Variants in MGMT observed in about 807,000 individuals in gnomAD.
The protein encoded by MGMT is methylated-DNA--protein-cysteine methyltransferase.
In MGMT, 14 loss-of-function variants were observed where a neutral mutation model predicts 15.9. The observed-to-expected ratio is 0.88, with a 90% CI of 0.58 to 1.37. The LOEUF is 1.37. Among genes scored for constraint, MGMT ranks in the 40% most tolerant of loss-of-function variants. MGMT has a pLI of 0.00. For synonymous variants in MGMT, 130 were observed against 118.2 expected (o/e 1.10, Z -0.65); for missense variants, 282 against 268.1 (o/e 1.05, Z -0.36).
chr10:129,526,771 G>C (rs1368867959), intron 1 of MGMT, among the ~76,000 whole-genome samples: 2 of 152,216 alleles, frequency 1.3e-5, no homozygotes, highest in Non-Finnish European at 2.9e-5. Context: ...AGACCTGACA[G>C]TTTTTAGTGC....
intron 2 of MGMT, among the ~76,000 whole-genome samples, chr10:129,698,464 A>G (rs901394931): frequency 6.6e-6 from 1 of 152,230 alleles, no homozygotes; most frequent in Non-Finnish European, 1.5e-5. Context: ...TGTTTAGACT[A>G]ATGGAATGAC....
intron 2 of MGMT, among the ~76,000 whole-genome samples, chr10:129,582,184 C>G (rs1165088284): frequency 2.0e-5 from 3 of 152,188 alleles, no homozygotes; most frequent in Non-Finnish European, 4.4e-5. Flanking sequence ...CTCCCTTAGC[C>G]CGGCTACGTC....
intron 3 of MGMT, among the ~76,000 whole-genome samples, chr10:129,710,602 G>A (rs920891650): frequency 6.6e-6 from 1 of 152,220 alleles, no homozygotes; most frequent in African/African-American, 2.4e-5. Flanking sequence ...GATGGTGGAT[G>A]GTTGCTAACA....
chr10:129,567,547 C>T (rs1846370585), intron 2 of MGMT, among the ~76,000 whole-genome samples: 1 of 152,120 alleles, frequency 6.6e-6, no homozygotes, highest in East Asian at 1.9e-4. Flanking sequence ...GGTTGAAAAT[C>T]CTGTCCCTGG....
chr10:129,681,623 G>A (rs1004896573), intron 2 of MGMT, among the ~76,000 whole-genome samples: 3 of 152,188 alleles, frequency 2.0e-5, no homozygotes, highest in African/African-American at 7.2e-5. Flanking sequence ...AACTCTGTGG[G>A]TCCACTTACA....
rs1046987164 is a variant in MGMT, at chr10:129,542,721, G to A, written c.125+6344G>A. On this transcript the variant is annotated intron_variant, in intron 2 of 4. Coordinates refer to ENST00000651593, the MANE Select transcript of MGMT (RefSeq NM_002412.5). ...TTTCTGTGAGGAAAACTTGCCAGGC[G>A]CTCCTTGGCTTTATAGAAATCGTCT... Among the ~76,000 whole-genome samples, 10 of 152,182 alleles carry A rather than the reference G, an allele frequency of 6.6e-5. No homozygotes were observed. The East Asian group carries it at 1.2e-3, about 18-fold the overall frequency.
At position 129,723,736 on chromosome 10, in the gene MGMT, C is replaced by T. The variant is rs149354298; in HGVS notation, c.274+15693C>T. Among the ~76,000 whole-genome samples, 476 of 152,210 alleles carry T rather than the reference C, an allele frequency of 3.1e-3. 2 individuals carry two copies. The highest frequency in any genetic ancestry group is 0.01 in the African/African-American group (431 of 41,530). On this transcript the variant is annotated intron_variant, in intron 3 of 4. Coordinates refer to ENST00000651593, the MANE Select transcript of MGMT (RefSeq NM_002412.5). ...TGGACAAAATATCTCACATTTTCAT[C>T]GCAAAGACACATAATACACAGATTG... is the stretch of plus-strand genomic sequence containing the variant.
intron 2 of MGMT, among the ~76,000 whole-genome samples, chr10:129,675,023 T>A (rs1030164606): frequency 3.3e-5 from 5 of 152,118 alleles, no homozygotes; most frequent in Admixed American, 1.3e-4. Context: ...AGAGGTAGCT[T>A]TTAAATGAGA....
At chr10:129,585,908 G>GC (rs1488568583) in intron 2 of MGMT, among the ~76,000 whole-genome samples, 2 of 151,564 alleles carry the variant, frequency 1.3e-5, no homozygotes, top group East Asian at 3.9e-4. Flanking sequence ...GCACTTCAGG[G>GC]CCATTATTAA....
intron 1 of MGMT, among the ~76,000 whole-genome samples, chr10:129,517,613 T>C (rs1845752951): frequency 1.3e-5 from 2 of 152,196 alleles, no homozygotes; most frequent in Admixed American, 1.3e-4. Flanking sequence ...ACCTGTCTCA[T>C]GAGGCCGTAT....
intron 2 of MGMT, among the ~76,000 whole-genome samples, chr10:129,562,219 C>G (rs1846288954): frequency 6.6e-6 from 1 of 152,202 alleles, no homozygotes; most frequent in African/African-American, 2.4e-5. Flanking sequence ...AACCCTATAG[C>G]TTAAGTTCTA....
chr10:129,744,398 A>T (rs1370064041), intron 3 of MGMT, among the ~76,000 whole-genome samples: 1 of 152,240 alleles, frequency 6.6e-6, no homozygotes, highest in Non-Finnish European at 1.5e-5. Context: ...AGTGTGTGAC[A>T]TCGTGTCCCT....
chr10:129,765,800 C>T (rs1227774393), intron 4 of MGMT, among the ~76,000 whole-genome samples: 6 of 152,060 alleles, frequency 3.9e-5, no homozygotes, highest in African/African-American at 1.4e-4. Flanking sequence ...TGGTCAGTGA[C>T]TCATTCTCCC....
intron 2 of MGMT, among the ~76,000 whole-genome samples, chr10:129,620,034 G>A (rs1185185091): frequency 6.6e-6 from 1 of 152,200 alleles, no homozygotes; most frequent in Non-Finnish European, 1.5e-5. Flanking sequence ...GGTTAACTAT[G>A]TCAGCCTGAC....
chr10:129,496,703 A>G lies in MGMT; in HGVS notation c.-13+29407A>G, dbSNP rs576578506. Among the ~76,000 whole-genome samples the G allele has an allele frequency of 5.9e-5, 9 of 152,212 alleles. No individual in the cohort carries two copies. The South Asian group carries it at 1.7e-3, about 28-fold the overall frequency. ...GTCCCGTGCTCTAGAGGTTCCTGGGAAAAAAATACAGAGAGAAATAACTCA... is the reference window on the plus strand; with the variant it reads ...GTCCCGTGCTCTAGAGGTTCCTGGGGAAAAAATACAGAGAGAAATAACTCA... On this transcript the variant is annotated intron_variant, in intron 1 of 4. Transcript: ENST00000651593.
intron 2 of MGMT, among the ~76,000 whole-genome samples, chr10:129,537,829 AAACC>A (rs1846002512): frequency 6.6e-6 from 1 of 152,220 alleles, no homozygotes; most frequent in African/African-American, 2.4e-5. Flanking sequence ...ACCTGTGGAC[AAACC>A]ATGGGAGCTG....
chr10:129,741,435 T>C (rs983449847), intron 3 of MGMT, among the ~76,000 whole-genome samples: 1 of 152,216 alleles, frequency 6.6e-6, no homozygotes, highest in Non-Finnish European at 1.5e-5. Context: ...AGCCCATCCC[T>C]GAGGGCTCCC....
intron 2 of MGMT, among the ~76,000 whole-genome samples, chr10:129,559,069 C>T (rs142739660): frequency 6.6e-6 from 1 of 152,112 alleles, no homozygotes; most frequent in Admixed American, 6.5e-5. Context: ...TTGCATCGAC[C>T]AGGATGCTGT....
intron 1 of MGMT, among the ~76,000 whole-genome samples, chr10:129,489,195 C>T (rs1845442280): frequency 6.6e-6 from 1 of 151,700 alleles, no homozygotes; most frequent in African/African-American, 2.4e-5. Context: ...CCCATCTTTA[C>T]TAAAAATAGA....
Sources: gnomAD v4.1 joint callset for allele counts (sites outside exome capture counted in the v4.1 genomes callset) on GRCh38, gnomAD v4.1.1 for gene constraint, MANE v1.5 for transcripts, NCBI Gene and HGNC (gene_info 2026-07-23, HGNC 2026-07-21) for gene names.